Variants in RBFOX1 observed in about 807,000 individuals in gnomAD.
RBFOX1 encodes the protein RNA binding protein fox-1 homolog 1.
RBFOX1 carries 8 observed loss-of-function variants against 57.7 expected under a neutral mutation model. The observed-to-expected ratio is 0.14, with a 90% CI of 0.08 to 0.25. The LOEUF (loss-of-function observed/expected upper bound fraction) is 0.25, where lower values mean the gene tolerates loss of function less well. Among genes scored for constraint, RBFOX1 ranks in the 10% least tolerant of loss-of-function variants. RBFOX1 has a pLI of 1.00. For synonymous variants in RBFOX1, 326 were observed against 222.4 expected, an observed-to-expected ratio of 1.47 and a Z score of -4.15; for missense variants, 611 against 548.5, an observed-to-expected ratio of 1.11 and a Z score of -1.14.
At chr16:7,365,763 A>G (rs145399943) in intron 4 of RBFOX1, among the ~76,000 whole-genome samples, 49 of 152,348 alleles carry the variant, frequency 3.2e-4, no homozygotes, top group Non-Finnish European at 5.9e-4. Flanking sequence ...TAAGAGATGT[A>G]AACACAACTC....
intron 4 of RBFOX1, among the ~76,000 whole-genome samples, chr16:5,918,201 C>G (rs1279082256): frequency 6.6e-6 from 1 of 152,144 alleles, no homozygotes; most frequent in African/African-American, 2.4e-5. Flanking sequence ...GTCACTGCAA[C>G]CTCTGCCTCC....
At chr16:5,840,752 G>A (rs906998727) in intron 3 of RBFOX1, among the ~76,000 whole-genome samples, 2 of 152,156 alleles carry the variant, frequency 1.3e-5, no homozygotes, top group African/African-American at 4.8e-5. Flanking sequence ...CTTTAGCATG[G>A]CCTGTGTGAT....
chr16:5,944,372 C>T (rs916906001), intron 4 of RBFOX1, among the ~76,000 whole-genome samples: 1 of 152,152 alleles, frequency 6.6e-6, no homozygotes, highest in Non-Finnish European at 1.5e-5. Context: ...AGAGACATAG[C>T]TGTGTATACA....
intron 4 of RBFOX1, among the ~76,000 whole-genome samples, chr16:7,511,415 C>G (rs2075050467): frequency 6.6e-6 from 1 of 152,142 alleles, no homozygotes; most frequent in African/African-American, 2.4e-5. Flanking sequence ...ACTCTGTCTC[C>G]TGAGTCCACT....
In RBFOX1 at chr16:7,345,202, C is replaced by G. The variant is rs565400515; in HGVS notation, c.28-172945C>G. Among the ~76,000 whole-genome samples, 23 of 152,320 alleles carry G rather than the reference C, an allele frequency of 1.5e-4. No individual in the cohort carries two copies. The East Asian group carries it at 3.9e-3, about 26-fold the overall frequency. On this transcript the variant is annotated intron_variant, in intron 4 of 15. Transcript: ENST00000550418. Reference sequence around the variant, plus strand: ...CATTCTCTGTCAAACATGTCAGTTACTCCCGGGGCTGTGGACAGCTTGCAA... The same window carrying G: ...CATTCTCTGTCAAACATGTCAGTTAGTCCCGGGGCTGTGGACAGCTTGCAA...
intron 1 of RBFOX1, among the ~76,000 whole-genome samples, chr16:5,341,931 T>C (rs1010876254): frequency 1.3e-5 from 2 of 152,146 alleles, no homozygotes; most frequent in African/African-American, 4.8e-5. Flanking sequence ...GCTGGAGCCA[T>C]GGGGGATACA....
rs187959959 is a variant in RBFOX1 at position 7,466,835 on chromosome 16, A to T, written c.28-51312A>T. The stretch of plus-strand genomic sequence containing the variant: ...GCTAGGTTGGGGACACCATACTTCC[A>T]AAGGAATAAGGACAAATTAGAGCAG... On this transcript the variant is annotated intron_variant, in intron 4 of 15. Transcript: ENST00000550418. Among the ~76,000 whole-genome samples the T allele has an allele frequency of 2.3e-3, 349 of 152,276 alleles. 1 individual carries two copies. The highest frequency in any genetic ancestry group is 7.9e-3 in the African/African-American group (330 of 41,560).
intron 4 of RBFOX1, among the ~76,000 whole-genome samples, chr16:7,131,440 A>T (rs1462020616): frequency 6.9e-6 from 1 of 144,234 alleles, no homozygotes; most frequent in Non-Finnish European, 1.5e-5. Context: ...TGGCCACTTT[A>T]CATCTCTTGC....
At chr16:7,135,396 A>T (rs915882461) in intron 4 of RBFOX1, among the ~76,000 whole-genome samples, 10 of 152,382 alleles carry the variant, frequency 6.6e-5, no homozygotes, top group African/African-American at 2.4e-4. Flanking sequence ...TTCAATGAGC[A>T]TGCACAAAGT....
Position 5,889,176 on chromosome 16 carries a change from T to A in RBFOX1, c.351+21841T>A, listed in dbSNP as rs371262046. ...GTGCCATGGTGGTTTGCTGCACAGATCAACTCATCACCTAGGTAATAAGGC... is the reference window on the plus strand; with the variant it reads ...GTGCCATGGTGGTTTGCTGCACAGAACAACTCATCACCTAGGTAATAAGGC... On this transcript the variant is annotated intron_variant, in intron 4 of 19. Transcript: ENST00000641259. Among the ~76,000 whole-genome samples the A allele has an allele frequency of 1.4e-4, 22 of 152,312 alleles. No homozygotes were observed. The East Asian group carries it at 2.5e-3, about 17-fold the overall frequency.
At chr16:5,573,429 C>T (rs1231859874) in intron 2 of RBFOX1, among the ~76,000 whole-genome samples, 1 of 152,178 alleles carries the variant, frequency 6.6e-6, no homozygotes, top group African/African-American at 2.4e-5. Flanking sequence ...TCCTGGACCC[C>T]CACCTGAATA....
At chr16:5,778,220 A>G (rs560165189) in intron 3 of RBFOX1, among the ~76,000 whole-genome samples, 1 of 152,196 alleles carries the variant, frequency 6.6e-6, no homozygotes, top group Non-Finnish European at 1.5e-5. Context: ...ACGGTGCCAG[A>G]ATCATCCATG....
At position 6,093,788 on chromosome 16, in the gene RBFOX1, AT is replaced by A. The variant is rs1173141515; in HGVS notation, c.-127+73807del. Among the ~76,000 whole-genome samples the A allele has an allele frequency of 8.5e-3, 1,221 of 143,342 alleles. 13 individuals carry two copies. Among genetic ancestry groups the A allele is most frequent in the African/African-American group, 0.026 (1,034 of 39,324 alleles). The allele number at this position is 143,342 out of a possible 152,430, so 94.0% of individuals were successfully genotyped here. On this transcript the variant is annotated intron_variant, in intron 1 of 15. Transcript: ENST00000550418. ...AGGTGCATTCCAGCATGCCCCACTCATTTTTTTTTTTGTAAAGATGGGGGTC... is the reference window on the plus strand; with the variant it reads ...AGGTGCATTCCAGCATGCCCCACTCATTTTTTTTTTGTAAAGATGGGGGTC...
intron 4 of RBFOX1, among the ~76,000 whole-genome samples, chr16:7,462,532 T>C (rs1171262267): frequency 1.3e-5 from 2 of 152,222 alleles, no homozygotes; most frequent in Non-Finnish European, 1.5e-5. Flanking sequence ...CCATGTATTA[T>C]CTCACAGCTC....
intron 3 of RBFOX1, among the ~76,000 whole-genome samples, chr16:7,037,308 C>G (rs2153700994): frequency 8.0e-6 from 1 of 124,418 alleles, no homozygotes; most frequent in East Asian, 2.7e-4. Context: ...CCGGCACAAT[C>G]TTGGCTCACC....
chr16:5,834,972 G>C (rs143076941), intron 3 of RBFOX1, among the ~76,000 whole-genome samples: 3 of 152,160 alleles, frequency 2.0e-5, no homozygotes, highest in African/African-American at 7.2e-5. Context: ...CCAACAGTGC[G>C]TAAGTGTTCC....
chr16:6,478,415 A>T (rs1597825199), intron 2 of RBFOX1, among the ~76,000 whole-genome samples: 1 of 22,208 alleles, frequency 4.5e-5, no homozygotes, highest in African/African-American at 2.5e-4. Context: ...ATATATATAT[A>T]TATATATATA....
chr16:7,179,401 T>C (rs1459233516), intron 4 of RBFOX1, among the ~76,000 whole-genome samples: 2 of 152,098 alleles, frequency 1.3e-5, no homozygotes, highest in Non-Finnish European at 2.9e-5. Context: ...TTCTCTGCCT[T>C]CCATCTCTCT....
chr16:7,137,878 A>G (rs1430254777), intron 4 of RBFOX1, among the ~76,000 whole-genome samples: 2 of 152,186 alleles, frequency 1.3e-5, no homozygotes, highest in Non-Finnish European at 2.9e-5. Context: ...AGCATCTGTG[A>G]TTTGCCAGAT....
Sources: gnomAD v4.1 joint callset for allele counts (sites outside exome capture counted in the v4.1 genomes callset) on GRCh38, gnomAD v4.1.1 for gene constraint, MANE v1.5 for transcripts, NCBI Gene and HGNC (gene_info 2026-07-23, HGNC 2026-07-21) for gene names.